The following DNAAF5 variants were observed in gnomAD, a reference collection of about 807,000 sequenced individuals.
DNAAF5 encodes the protein HEAT repeat containing 2.
In DNAAF5, 64 loss-of-function variants were observed where a neutral mutation model predicts 75.8. The observed-to-expected ratio is 0.84, with a 90% CI of 0.69 to 1.04. The LOEUF (loss-of-function observed/expected upper bound fraction) is 1.04, where lower values mean the gene tolerates loss of function less well. DNAAF5 is among the 50% of genes least tolerant of loss of function. The pLI is 0.00. For synonymous variants in DNAAF5, 657 were observed against 557.2 expected, an observed-to-expected ratio of 1.18 and a Z score of -2.52; for missense variants, 1,269 against 1,178.5, an observed-to-expected ratio of 1.08 and a Z score of -1.12.
At chr7:759,631 C>CTG (rs1354570343) in intron 6 of DNAAF5, among the ~76,000 whole-genome samples, 1 of 151,930 alleles carries the variant, frequency 6.6e-6, no homozygotes, top group African/African-American at 2.4e-5. Context: ...CTTTTTCGTT[C>CTG]TGTGTGTGTG....
intron 6 of DNAAF5, among the ~76,000 whole-genome samples, chr7:761,322 C>A (rs1450533787): frequency 6.6e-6 from 1 of 152,256 alleles, no homozygotes; most frequent in Non-Finnish European, 1.5e-5. Flanking sequence ...GAGCCCCGGG[C>A]GGGCTCTGTC....
chr7:731,701 C>T (rs1288390531), intron 2 of DNAAF5, among the ~76,000 whole-genome samples: 1 of 151,758 alleles, frequency 6.6e-6, no homozygotes, highest in Non-Finnish European at 1.5e-5. Flanking sequence ...TTTCTTTTAG[C>T]TCGTCAGCTA....
chr7:741,076 C>A, intron 3 of DNAAF5, 133 bp downstream of exon 3: 2 of 1,096,672 alleles, frequency 1.8e-6, no homozygotes, highest in East Asian at 2.4e-5. Flanking sequence ...AGGGATGTGC[C>A]GTACAGAAGT....
At position 763,870 on chromosome 7, in the gene DNAAF5, G is replaced by T. The variant is rs760358814; in HGVS notation, c.1679G>T (p.Arg560Leu). 1 of 1,613,186 alleles carries T rather than the reference G, an allele frequency of 6.2e-7. No individual in the cohort carries two copies. The highest frequency in any genetic ancestry group is 1.3e-5 in the African/African-American group (1 of 74,946). Residue 560 changes from arginine (R) to leucine (L), a missense_variant, in exon 8 of 13, where the codon CGC becomes CTC. Arg to Leu is a moderately radical substitution (Grantham distance 102, BLOSUM62 -2). Coordinates refer to ENST00000297440, the MANE Select transcript of DNAAF5 (RefSeq NM_017802.4). The stretch of plus-strand genomic sequence containing the variant: ...GTCAGCAGCTGCCAGGACCTCTACC[G>T]CAAGCACATTGGTCCCCTCCTGGAG... Reference protein sequence around the residue: ...EGVSSCQDLYRKHIGPLLERV... With the variant: ...EGVSSCQDLYLKHIGPLLERV...
In DNAAF5 at chr7:780,826, C is replaced by CT. The variant is rs201445917; in HGVS notation, c.2431+696dup. On this transcript the variant is annotated intron_variant, in intron 12 of 12. Coordinates refer to ENST00000297440, the MANE Select transcript of DNAAF5 (RefSeq NM_017802.4). ...AATGTAACGATTTGCTTTTTTTTTT[C>CT]TTTTTTTTTTTTTTGTTTTGTTTTG... 9.1e-3 allele frequency among the ~76,000 whole-genome samples: 1,198 copies of CT among 131,218 alleles called. 16 individuals are homozygous for CT. The highest frequency in any genetic ancestry group is 0.037 in the South Asian group (147 of 4,002). 86.1% of individuals were successfully genotyped at this position (131,218 alleles called of 152,430 possible).
chr7:747,698 G>A, intron 4 of DNAAF5, among the ~76,000 whole-genome samples: 1 of 124,288 alleles, frequency 8.0e-6, no homozygotes, highest in African/African-American at 3.0e-5. Context: ...TGCAGTGGTG[G>A]CCCACGGTGT....
chr7:763,658 G>A, intron 7 of DNAAF5, 148 bp from the exon 8 acceptor site: 1 of 865,904 alleles, frequency 1.2e-6, no homozygotes, highest in South Asian at 1.6e-5. Context: ...CCTGGGCGGG[G>A]CTCCCTGTGG....
intron 6 of DNAAF5, among the ~76,000 whole-genome samples, chr7:761,526 G>A (rs1782642894): frequency 6.6e-6 from 1 of 152,380 alleles, no homozygotes; most frequent in South Asian, 2.1e-4. Context: ...CGTGGCGGCA[G>A]GCGAGAGAGT....
chr7:755,619 C>T (rs913601762), intron 5 of DNAAF5, among the ~76,000 whole-genome samples: 1 of 152,146 alleles, frequency 6.6e-6, no homozygotes, highest in Non-Finnish European at 1.5e-5. Flanking sequence ...GTGGTTCCAG[C>T]TCCCGGGAGG....
At chr7:742,930 G>T (rs1325772467) in intron 4 of DNAAF5, among the ~76,000 whole-genome samples, 3 of 152,194 alleles carry the variant, frequency 2.0e-5, no homozygotes, top group Admixed American at 2.0e-4. Context: ...GCTCAAATCA[G>T]ATGCACAGCC....
chr7:731,836 G>T (rs1583473945), intron 2 of DNAAF5, among the ~76,000 whole-genome samples: 1 of 152,174 alleles, frequency 6.6e-6, no homozygotes, highest in East Asian at 1.9e-4. Context: ...GTTTCGTGTG[G>T]AGTCACGGTG....
chr7:777,100 C>A (rs1367742046), intron 11 of DNAAF5, among the ~76,000 whole-genome samples: 1 of 152,178 alleles, frequency 6.6e-6, no homozygotes. Context: ...GCTCAGGCCC[C>A]CACTGATTCT....
At chr7:774,221 G>T in intron 10 of DNAAF5, 23 bp downstream of exon 10, 2 of 1,587,330 alleles carry the variant, frequency 1.3e-6, no homozygotes, top group African/African-American at 1.3e-5. Context: ...CTGCGTGCTC[G>T]GTGGACACCG....
intron 2 of DNAAF5, among the ~76,000 whole-genome samples, chr7:733,665 T>A (rs1352645768): frequency 6.6e-6 from 1 of 151,994 alleles, no homozygotes; most frequent in Non-Finnish European, 1.5e-5. Flanking sequence ...CCTGGCTAAT[T>A]TTTTGTGTTT....
At chr7:759,518 G>C (rs1303226035) in intron 6 of DNAAF5, among the ~76,000 whole-genome samples, 1 of 152,188 alleles carries the variant, frequency 6.6e-6, no homozygotes, top group Non-Finnish European at 1.5e-5. Context: ...GTGCTTTTCT[G>C]AATTAAAAAC....
intron 12 of DNAAF5, among the ~76,000 whole-genome samples, chr7:781,080 A>C (rs1205925652): frequency 6.6e-6 from 1 of 152,116 alleles, no homozygotes; most frequent in African/African-American, 2.4e-5. Flanking sequence ...TGTGTGATAA[A>C]TTATTGTTGA....
intron 8 of DNAAF5, among the ~76,000 whole-genome samples, chr7:767,533 CATA>C (rs1367834940): frequency 1.3e-5 from 2 of 152,204 alleles, no homozygotes; most frequent in Non-Finnish European, 2.9e-5. Flanking sequence ...AAGTTAAATA[CATA>C]ATGATATTTC....
intron 8 of DNAAF5, chr7:769,193 G>C (rs771569719): frequency 1.3e-6 from 1 of 774,258 alleles, no homozygotes; most frequent in South Asian, 1.4e-5. Context: ...GAGGTCCCCA[G>C]CAACGGCTCA....
rs183528393 is a variant in DNAAF5 at position 748,310 on chromosome 7, G to C, written c.1025-6279G>C. On this transcript the variant is annotated intron_variant, in intron 4 of 12. Coordinates refer to ENST00000297440, the MANE Select transcript of DNAAF5 (RefSeq NM_017802.4). The stretch of plus-strand genomic sequence containing the variant: ...GTGTTGGTGGGGTTTGCTGGTTTCA[G>C]CGTGTCCGGCTAGTGTGCAGTGGTG... Among the ~76,000 whole-genome samples, 664 of 150,720 alleles carry C rather than the reference G, an allele frequency of 4.4e-3. 6 individuals carry two copies. Among genetic ancestry groups the C allele is most frequent in the African/African-American group, 0.015 (626 of 40,954 alleles).
Sources: gnomAD v4.1 joint callset for allele counts (sites outside exome capture counted in the v4.1 genomes callset) on GRCh38, gnomAD v4.1.1 for gene constraint, MANE v1.5 for transcripts, NCBI Gene and HGNC (gene_info 2026-07-23, HGNC 2026-07-21) for gene names.